NKAIN2: variants seen among roughly 807,000 people sequenced by gnomAD.
The protein encoded by NKAIN2 is sodium/potassium transporting ATPase interacting 2.
Under a neutral mutation model 32.6 loss-of-function variants are expected in NKAIN2, and 14 were observed. The ratio of observed to expected loss-of-function variants is 0.43; its 90% confidence interval spans 0.28 to 0.67. The LOEUF is 0.67. Ranked by LOEUF, NKAIN2 falls within the 30% of genes least tolerant of loss-of-function variation. The probability of loss-of-function intolerance (pLI) is 0.17; values close to 1 mark genes in which losing one functional copy is unlikely to be tolerated. For missense variants in NKAIN2, 198 were observed against 258.3 expected, an observed-to-expected ratio of 0.77 and a Z score of 1.60; for synonymous variants, 80 against 87.2, an observed-to-expected ratio of 0.92 and a Z score of 0.46.
At chr6:124,064,634 GGTATCT>G (rs1158964415) in intron 1 of NKAIN2, among the ~76,000 whole-genome samples, 1 of 152,022 alleles carries the variant, frequency 6.6e-6, no homozygotes, top group Non-Finnish European at 1.5e-5. Flanking sequence ...CTTTTCTCAA[GGTATCT>G]GTATGTGGTA....
chr6:124,240,121 A>G (rs1428258097), intron 1 of NKAIN2, among the ~76,000 whole-genome samples: 3 of 152,214 alleles, frequency 2.0e-5, no homozygotes, highest in Non-Finnish European at 4.4e-5. Flanking sequence ...AAACAACTCT[A>G]TGCAAATAAA....
intron 3 of NKAIN2, among the ~76,000 whole-genome samples, chr6:124,470,923 A>G (rs1469262432): frequency 6.6e-6 from 1 of 152,174 alleles, no homozygotes; most frequent in Non-Finnish European, 1.5e-5. Context: ...CTGGTGAACT[A>G]CAGCTTAAGG....
chr6:124,771,733 T>C (rs2114760958), intron 4 of NKAIN2, among the ~76,000 whole-genome samples: 1 of 152,316 alleles, frequency 6.6e-6, no homozygotes, highest in East Asian at 1.9e-4. Context: ...TTGAAATTAA[T>C]GAAATCTGAA....
chr6:124,725,455 T>C (rs1776230691), intron 4 of NKAIN2, among the ~76,000 whole-genome samples: 1 of 152,190 alleles, frequency 6.6e-6, no homozygotes, highest in African/African-American at 2.4e-5. Context: ...CATCCTGGAA[T>C]ATTCCTAAGC....
At chr6:123,940,215 A>C (rs994915513) in intron 1 of NKAIN2, among the ~76,000 whole-genome samples, 4 of 151,926 alleles carry the variant, frequency 2.6e-5, no homozygotes, top group African/African-American at 9.7e-5. Flanking sequence ...GGCTAGAATC[A>C]TACAAAAACA....
rs377130033 is a variant in NKAIN2 at position 124,338,109 on chromosome 6, C to T, written c.193-17158C>T. On this transcript the variant is annotated intron_variant, in intron 2 of 6. Transcript: ENST00000368417. ...GAAAGGACTCAACACTTTTAGCTAT[C>T]CCAGGATACATCAGTTAATAAGAAT... 8.5e-5 allele frequency among the ~76,000 whole-genome samples: 13 copies of T among 152,074 alleles called. No homozygotes were observed. In the East Asian group the frequency reaches 1.2e-3, roughly 14 times the overall value.
At chr6:124,783,299 G>A (rs575409532) in intron 4 of NKAIN2, among the ~76,000 whole-genome samples, 1 of 152,070 alleles carries the variant, frequency 6.6e-6, no homozygotes, top group South Asian at 2.1e-4. Flanking sequence ...TTCATAACAG[G>A]AATGATTTGG....
intron 1 of NKAIN2, among the ~76,000 whole-genome samples, chr6:124,054,632 G>C (rs1215626984): frequency 3.3e-5 from 5 of 151,936 alleles, no homozygotes; most frequent in Admixed American, 3.3e-4. Flanking sequence ...AGTCAGAATG[G>C]GAGATTTATC....
intron 2 of NKAIN2, 76 bp from the exon 3 acceptor site, chr6:124,355,191 A>T (rs1305598904): frequency 2.0e-5 from 19 of 932,838 alleles, no homozygotes; most frequent in South Asian, 1.7e-4. Flanking sequence ...AGGGTGTGCG[A>T]AAGTTCGTTT....
intron 3 of NKAIN2, among the ~76,000 whole-genome samples, chr6:124,432,248 G>A (rs1360074918): frequency 6.6e-6 from 1 of 152,126 alleles, no homozygotes; most frequent in African/African-American, 2.4e-5. Flanking sequence ...AGTACTATAA[G>A]CAGTGAAAGA....
intron 3 of NKAIN2, among the ~76,000 whole-genome samples, chr6:124,479,648 G>A (rs578233588): frequency 6.6e-6 from 1 of 152,266 alleles, no homozygotes; most frequent in East Asian, 1.9e-4. Context: ...TTAGAAATTA[G>A]AAAAGAAAAT....
At chr6:124,046,176 A>G (rs1425301235) in intron 1 of NKAIN2, among the ~76,000 whole-genome samples, 1 of 152,004 alleles carries the variant, frequency 6.6e-6, no homozygotes, top group Non-Finnish European at 1.5e-5. Context: ...TTATTATCTT[A>G]AAAACTACTC....
intron 1 of NKAIN2, among the ~76,000 whole-genome samples, chr6:123,864,090 C>CTTGTT (rs1041094032): frequency 2.0e-5 from 3 of 152,028 alleles, no homozygotes; most frequent in Non-Finnish European, 2.9e-5. Context: ...TGCTTGCTTG[C>CTTGTT]TTGTTTTGTT....
chr6:124,489,655 A>G (rs1233298973), intron 3 of NKAIN2, among the ~76,000 whole-genome samples: 1 of 151,804 alleles, frequency 6.6e-6, no homozygotes, highest in Non-Finnish European at 1.5e-5. Flanking sequence ...GAAAAACAGC[A>G]TGGTTGTATG....
chr6:124,032,831 G>A (rs1400162626), intron 1 of NKAIN2, among the ~76,000 whole-genome samples: 2 of 151,682 alleles, frequency 1.3e-5, no homozygotes, highest in Non-Finnish European at 2.9e-5. Context: ...TATTGCCATG[G>A]TTGCAAACCA....
chr6:124,092,573 A>C (rs370876427), intron 1 of NKAIN2, among the ~76,000 whole-genome samples: 89 of 152,142 alleles, frequency 5.8e-4, no homozygotes, highest in African/African-American at 1.9e-3. Context: ...CCACTTCATA[A>C]CTATTTTATT....
At position 123,997,590 on chromosome 6, in the gene NKAIN2, G is replaced by A. The variant is rs912253295; in HGVS notation, c.54+193336G>A. On this transcript the variant is annotated intron_variant, in intron 1 of 6. Transcript: ENST00000368417. Reference sequence around the variant, plus strand: ...GAAGCAGGAATTATCACTAACTGGAGTTTATTCTTTTTTTTTTTTTTTTTT... The same window carrying A: ...GAAGCAGGAATTATCACTAACTGGAATTTATTCTTTTTTTTTTTTTTTTTT... Among the ~76,000 whole-genome samples the A allele has an allele frequency of 4.9e-5, 7 of 143,268 alleles. 1 individual carries two copies. Among genetic ancestry groups the A allele is most frequent in the Non-Finnish European group, 7.6e-5 (5 of 65,724 alleles). 94.0% of individuals were successfully genotyped at this position (143,268 alleles called of 152,430 possible).
At chr6:124,707,837 T>A (rs1001629509) in intron 4 of NKAIN2, among the ~76,000 whole-genome samples, 3 of 152,334 alleles carry the variant, frequency 2.0e-5, no homozygotes, top group South Asian at 4.1e-4. Context: ...CAGAAGCTCT[T>A]TAGTTTCATT....
intron 1 of NKAIN2, among the ~76,000 whole-genome samples, chr6:124,116,284 G>C (rs1221482559): frequency 4.6e-5 from 7 of 152,008 alleles, no homozygotes; most frequent in African/African-American, 1.7e-4. Context: ...TTGCTCTTTT[G>C]GCTGTGTTGT....
Sources: allele counts gnomAD v4.1 joint callset (sites outside exome capture counted in the v4.1 genomes callset), GRCh38; gene constraint gnomAD v4.1.1; transcripts MANE v1.5; gene names NCBI Gene and HGNC (gene_info 2026-07-23, HGNC 2026-07-21).